ZFHX3: variants seen among roughly 807,000 people sequenced by gnomAD.
The protein encoded by ZFHX3 is zinc finger homeobox 3.
A neutral mutation model predicts 279.1 loss-of-function variants in ZFHX3; 42 were observed. That is an observed-to-expected ratio of 0.15 (90% CI 0.12 to 0.19). The LOEUF is 0.19. Ranked by LOEUF, ZFHX3 falls within the 10% of genes least tolerant of loss-of-function variation. The pLI is 1.00. For synonymous variants in ZFHX3, 2,293 were observed against 1,957.8 expected (o/e 1.17, Z -4.52); for missense variants, 4,981 against 4,754.0 (o/e 1.05, Z -1.40).
chr16:73,062,614 T>C (rs1306818149), upstream of ZFHX3, among the ~76,000 whole-genome samples: 1 of 151,982 alleles, frequency 6.6e-6, no homozygotes, highest in East Asian at 1.9e-4. Flanking sequence ...CAATGGGCCA[T>C]CTTAAGGGGC....
chr16:73,338,522 A>G (rs928206994), intron 3 of ZFHX3, among the ~76,000 whole-genome samples: 1 of 152,052 alleles, frequency 6.6e-6, no homozygotes, highest in Non-Finnish European at 1.5e-5. Context: ...CCTTCAAATT[A>G]GTCTATCAGT....
intron 1 of ZFHX3, among the ~76,000 whole-genome samples, chr16:73,800,744 C>T (rs1373009370): frequency 6.6e-6 from 1 of 152,184 alleles, no homozygotes; most frequent in Admixed American, 6.5e-5. Flanking sequence ...CCAACTCCAT[C>T]TGCCCCTGGG....
chr16:73,739,525 G>A (rs1189747871), intron 1 of ZFHX3, among the ~76,000 whole-genome samples: 1 of 152,140 alleles, frequency 6.6e-6, no homozygotes, highest in Non-Finnish European at 1.5e-5. Context: ...GAGAACTGAT[G>A]CTGTAGGAGA....
At chr16:73,264,234 C>T (rs899407002) in intron 4 of ZFHX3, among the ~76,000 whole-genome samples, 2 of 152,142 alleles carry the variant, frequency 1.3e-5, no homozygotes, top group East Asian at 3.9e-4. Flanking sequence ...TCCCCCTCTT[C>T]TTTTTATCCC....
intron 1 of ZFHX3, among the ~76,000 whole-genome samples, chr16:73,741,612 A>G (rs895520325): frequency 2.0e-5 from 3 of 152,206 alleles, no homozygotes; most frequent in Non-Finnish European, 4.4e-5. Flanking sequence ...TGGACTCTCC[A>G]GTTAGCCCCA....
intron 3 of ZFHX3, among the ~76,000 whole-genome samples, chr16:73,392,861 G>A (rs113820430): frequency 6.6e-6 from 1 of 151,952 alleles, no homozygotes; most frequent in Non-Finnish European, 1.5e-5. Context: ...TTTTGAGACA[G>A]TCTCACTCTG....
At chr16:73,225,292 C>A (rs914198249) in intron 5 of ZFHX3, among the ~76,000 whole-genome samples, 2 of 152,108 alleles carry the variant, frequency 1.3e-5, no homozygotes, top group Non-Finnish European at 2.9e-5. Flanking sequence ...TTCTGAACAG[C>A]CCTATAGGCT....
At chr16:73,292,567 C>T (rs1240755001) in intron 4 of ZFHX3, among the ~76,000 whole-genome samples, 1 of 152,224 alleles carries the variant, frequency 6.6e-6, no homozygotes, top group Non-Finnish European at 1.5e-5. Context: ...GAAAAAGGAT[C>T]TTTTATGTCC....
chr16:73,466,752 T>C (rs2018581079), intron 2 of ZFHX3, among the ~76,000 whole-genome samples: 1 of 152,150 alleles, frequency 6.6e-6, no homozygotes, highest in African/African-American at 2.4e-5. Flanking sequence ...ATGTTGTTAC[T>C]AGAAAGCTCA....
At position 72,958,201 on chromosome 16, in the gene ZFHX3, G is replaced by A; in HGVS notation, c.1945C>T (p.Leu649=). ...CCGCCCAGCGAGCGGGAGGAGCCCA[G>A]GACCGTGTCGCATTTGGGGCACTCC... ...GVECPKCDTV[L]GSSRSLGGHM... The change falls in exon 2 of 10, where the codon CTG becomes TTG. Residue 649 remains leucine (L), a synonymous_variant. Transcript: ENST00000268489. 5.0e-6 allele frequency: 8 copies of A among 1,612,336 alleles called. No homozygotes were observed. The highest frequency in any genetic ancestry group is 6.8e-6 in the Non-Finnish European group (8 of 1,178,508).
intron 1 of ZFHX3, among the ~76,000 whole-genome samples, chr16:72,968,088 C>T (rs1257735878): frequency 6.6e-6 from 1 of 151,900 alleles, no homozygotes; most frequent in Admixed American, 6.6e-5. Flanking sequence ...ATCAAAGTTC[C>T]CATCACCAGC....
chr16:73,365,215 C>T (rs1597302890), intron 3 of ZFHX3, among the ~76,000 whole-genome samples: 1 of 152,372 alleles, frequency 6.6e-6, no homozygotes, highest in East Asian at 1.9e-4. Flanking sequence ...GAGACAGCTG[C>T]TGCCTGGCTG....
At chr16:73,369,768 T>A (rs1364066) in intron 3 of ZFHX3, among the ~76,000 whole-genome samples, 70,931 of 152,004 alleles carry the variant, frequency 0.47, 19,900 homozygotes, top group Non-Finnish European at 0.62. Flanking sequence ...TGATTCTGAT[T>A]GTGCTAACAA....
At chr16:73,884,417 A>G (rs1165837452) in intron 1 of ZFHX3, among the ~76,000 whole-genome samples, 1 of 152,246 alleles carries the variant, frequency 6.6e-6, no homozygotes, top group East Asian at 1.9e-4. Context: ...TTAAGACAAC[A>G]TATCAAATAC....
chr16:73,671,880 A>G (rs1179976602), intron 2 of ZFHX3, among the ~76,000 whole-genome samples: 1 of 152,196 alleles, frequency 6.6e-6, no homozygotes, highest in Non-Finnish European at 1.5e-5. Flanking sequence ...ATTAACCTAT[A>G]TACATCTCTC....
intron 1 of ZFHX3, among the ~76,000 whole-genome samples, chr16:73,774,378 A>T (rs2054053329): frequency 6.6e-6 from 1 of 152,174 alleles, no homozygotes; most frequent in South Asian, 2.1e-4. Flanking sequence ...CATGACCACC[A>T]TTGCTGCCTT....
chr16:73,560,228 T>C (rs1474570749), intron 2 of ZFHX3, among the ~76,000 whole-genome samples: 1 of 103,590 alleles, frequency 9.7e-6, no homozygotes, highest in South Asian at 3.1e-4. Flanking sequence ...GAGACCGCAA[T>C]GTGCAAGAGA....
intron 1 of ZFHX3, among the ~76,000 whole-genome samples, chr16:73,004,757 G>C (rs1449432743): frequency 6.6e-6 from 1 of 151,992 alleles, no homozygotes; most frequent in East Asian, 1.9e-4. Context: ...TTTTTAAGTA[G>C]ACTACATCAA....
chr16:72,815,682 A>G (rs148850367), intron 5 of ZFHX3, among the ~76,000 whole-genome samples: 12 of 152,380 alleles, frequency 7.9e-5, no homozygotes, highest in Admixed American at 2.6e-4. Context: ...ACATGTCACA[A>G]TATACAAAAC....
Sources: allele counts gnomAD v4.1 joint callset (sites outside exome capture counted in the v4.1 genomes callset), GRCh38; gene constraint gnomAD v4.1.1; transcripts MANE v1.5; gene names NCBI Gene and HGNC (gene_info 2026-07-23, HGNC 2026-07-21).